The following REEP3 variants were observed in gnomAD, a reference collection of about 807,000 sequenced individuals.
The protein encoded by REEP3 is receptor expression-enhancing protein 3.
REEP3 carries 20 observed loss-of-function variants against 41.3 expected under a neutral mutation model. That is an observed-to-expected ratio of 0.48 (90% confidence interval 0.34 to 0.70). The LOEUF (loss-of-function observed/expected upper bound fraction) is 0.70. REEP3 is among the 30% of genes least tolerant of loss of function. The pLI, the probability that REEP3 is intolerant of heterozygous loss-of-function variation, is 0.01. For synonymous variants in REEP3, 104 were observed against 101.8 expected (o/e 1.02, Z -0.13); for missense variants, 271 against 308.8 (o/e 0.88, Z 0.92).
intron 1 of REEP3, among the ~76,000 whole-genome samples, chr10:63,534,946 C>T (rs908308057): frequency 1.3e-5 from 2 of 152,172 alleles, no homozygotes; most frequent in African/African-American, 4.8e-5. Context: ...TAAAATTATG[C>T]TCTCCCACTG....
chr10:63,598,020 T>A lies in REEP3; in HGVS notation c.183-4T>A. The A allele has an allele frequency of 6.3e-7, 1 of 1,597,394 alleles. No homozygotes were observed. Among genetic ancestry groups the A allele is most frequent in the Non-Finnish European group, 8.5e-7 (1 of 1,173,680 alleles). On this transcript the variant is annotated splice_polypyrimidine_tract_variant and splice_region_variant and intron_variant, in intron 3 of 7. Transcript: ENST00000373758. ...AGTTTATTTCCAAATGTTTTTCTTATTAGGTTTCCCCTGTACTATGAGCTG... is the reference window on the plus strand; with the variant it reads ...AGTTTATTTCCAAATGTTTTTCTTAATAGGTTTCCCCTGTACTATGAGCTG...
chr10:63,580,337 A>G (rs372402877), intron 2 of REEP3, among the ~76,000 whole-genome samples: 1 of 152,006 alleles, frequency 6.6e-6, no homozygotes, highest in Non-Finnish European at 1.5e-5. Context: ...GGGTCTCACT[A>G]TGTTGCCTAG....
At chr10:63,535,531 A>C (rs760218610) in intron 1 of REEP3, among the ~76,000 whole-genome samples, 5 of 152,200 alleles carry the variant, frequency 3.3e-5, no homozygotes, top group Non-Finnish European at 7.4e-5. Flanking sequence ...CAAAAGCCCC[A>C]GAATCAAGAA....
chr10:63,579,416 G>T (rs1955929295), intron 2 of REEP3, among the ~76,000 whole-genome samples: 1 of 152,174 alleles, frequency 6.6e-6, no homozygotes, highest in African/African-American at 2.4e-5. Flanking sequence ...TATTAAATTT[G>T]AATAAGATTA....
chr10:63,595,603 G>T (rs1333584510), intron 3 of REEP3, among the ~76,000 whole-genome samples: 1 of 150,610 alleles, frequency 6.6e-6, no homozygotes, highest in Non-Finnish European at 1.5e-5. Context: ...TTTATACAAG[G>T]TCTTGCTCTG....
intron 5 of REEP3, among the ~76,000 whole-genome samples, chr10:63,608,936 T>C (rs976526913): frequency 2.0e-5 from 3 of 152,198 alleles, no homozygotes; most frequent in African/African-American, 7.2e-5. Context: ...TCAACTTAAA[T>C]ACCCACCTGT....
chr10:63,532,954 T>C (rs1315701281), intron 1 of REEP3, among the ~76,000 whole-genome samples: 1 of 152,082 alleles, frequency 6.6e-6, no homozygotes, highest in Admixed American at 6.6e-5. Context: ...TGTCTTAGAG[T>C]CATCACATGG....
intron 6 of REEP3, among the ~76,000 whole-genome samples, chr10:63,614,807 G>A (rs951968368): frequency 6.6e-6 from 1 of 152,204 alleles, no homozygotes; most frequent in Non-Finnish European, 1.5e-5. Flanking sequence ...GTTTAAAATG[G>A]AATAATCCTT....
chr10:63,617,196 A>G lies in REEP3; in HGVS notation c.566-2459A>G, dbSNP rs543173326. ...TTCCTTGGACCACTGCAAGAAAACAAAGGATCTTGGCCTAAATAAGGACTG... is the reference window on the plus strand; with the variant it reads ...TTCCTTGGACCACTGCAAGAAAACAGAGGATCTTGGCCTAAATAAGGACTG... On this transcript the variant is annotated intron_variant, in intron 6 of 7. Coordinates refer to ENST00000373758, the MANE Select transcript of REEP3 (RefSeq NM_001001330.3). Among the ~76,000 whole-genome samples, 10 of 152,264 alleles carry G rather than the reference A, an allele frequency of 6.6e-5. No individual in the cohort carries two copies. In the South Asian group the frequency reaches 2.1e-3, roughly 32 times the overall value.
At chr10:63,577,094 G>A (rs763270527) in intron 2 of REEP3, among the ~76,000 whole-genome samples, 2 of 152,030 alleles carry the variant, frequency 1.3e-5, no homozygotes, top group African/African-American at 4.8e-5. Flanking sequence ...ATATCTTTAG[G>A]TATTTTCTCT....
intron 1 of REEP3, among the ~76,000 whole-genome samples, chr10:63,533,942 A>G (rs1432993498): frequency 2.0e-5 from 3 of 151,976 alleles, no homozygotes; most frequent in East Asian, 1.9e-4. Flanking sequence ...TCCTGACCTC[A>G]GGTGATCTGC....
chr10:63,591,114 T>C (rs901517353), intron 2 of REEP3, among the ~76,000 whole-genome samples: 1 of 109,630 alleles, frequency 9.1e-6, no homozygotes, highest in African/African-American at 3.4e-5. Flanking sequence ...TTAGGTTTTG[T>C]GTTTTTGTTT....
intron 1 of REEP3, among the ~76,000 whole-genome samples, chr10:63,550,014 G>A (rs1023233449): frequency 3.3e-5 from 5 of 152,228 alleles, no homozygotes; most frequent in African/African-American, 1.2e-4. Context: ...GTCTTTAAGT[G>A]AGGCAGTGCT....
intron 5 of REEP3, among the ~76,000 whole-genome samples, chr10:63,605,604 T>C (rs1956217646): frequency 6.6e-6 from 1 of 152,256 alleles, no homozygotes. Context: ...ACAAAATAAG[T>C]TCTTATTTAA....
chr10:63,557,814 A>G (rs1955703488), intron 1 of REEP3, among the ~76,000 whole-genome samples: 1 of 152,240 alleles, frequency 6.6e-6, no homozygotes, highest in Non-Finnish European at 1.5e-5. Flanking sequence ...GGTGAGTACA[A>G]ATATAAATAT....
rs540379753 is a variant in REEP3 at position 63,528,375 on chromosome 10, T to C, written c.32+6798T>C. ...TCCTTGATTCCTCTCTTTCTCTAGT[T>C]CCCTACATTGAATCCGCAAATCTTG... On this transcript the variant is annotated intron_variant, in intron 1 of 7. Transcript: ENST00000373758. Among the ~76,000 whole-genome samples, 14 of 152,294 alleles carry C rather than the reference T, an allele frequency of 9.2e-5. No individual in the cohort carries two copies. In the South Asian group the frequency reaches 2.9e-3, roughly 32 times the overall value.
chr10:63,528,964 A>G (rs1955393226), intron 1 of REEP3, among the ~76,000 whole-genome samples: 1 of 152,246 alleles, frequency 6.6e-6, no homozygotes, highest in African/African-American at 2.4e-5. Context: ...ACTAGAAAAT[A>G]GTCTCCATGA....
rs1292396256 is a variant in REEP3, at chr10:63,561,699, T to G, written c.33-4639T>G. Among the ~76,000 whole-genome samples the G allele has an allele frequency of 4.6e-5, 7 of 152,314 alleles. 1 individual carries two copies. The highest frequency in any genetic ancestry group is 4.6e-4 in the Admixed American group (7 of 15,302). ...ATTCAGTAAGTCCGATGAGATGGCATGAGCCCAGATGTATTACTGGCCACG... is the reference window on the plus strand; with the variant it reads ...ATTCAGTAAGTCCGATGAGATGGCAGGAGCCCAGATGTATTACTGGCCACG... On this transcript the variant is annotated intron_variant, in intron 1 of 7. Coordinates refer to ENST00000373758, the MANE Select transcript of REEP3 (RefSeq NM_001001330.3).
chr10:63,578,769 C>A (rs1955920615), intron 2 of REEP3, among the ~76,000 whole-genome samples: 2 of 152,052 alleles, frequency 1.3e-5, no homozygotes, highest in Admixed American at 1.3e-4. Context: ...AGAGCAAGAC[C>A]CTGTCTCGAA....
Sources: gnomAD v4.1 joint callset for allele counts (sites outside exome capture counted in the v4.1 genomes callset) on GRCh38, gnomAD v4.1.1 for gene constraint, MANE v1.5 for transcripts, NCBI Gene and HGNC (gene_info 2026-07-23, HGNC 2026-07-21) for gene names.